The following DYNC1I2 variants were observed in gnomAD, a reference collection of about 807,000 sequenced individuals.
The protein encoded by DYNC1I2 is cytoplasmic dynein 1 intermediate chain 2.
In DYNC1I2, 53 loss-of-function variants were observed where a neutral mutation model predicts 88.6. That is an observed-to-expected ratio of 0.60 (90% CI 0.48 to 0.75). The LOEUF (loss-of-function observed/expected upper bound fraction) is 0.75. Among genes scored for constraint, DYNC1I2 ranks in the 30% least tolerant of loss-of-function variants. The pLI is 0.00. For synonymous variants in DYNC1I2, 198 were observed against 254.6 expected, an observed-to-expected ratio of 0.78 and a Z score of 2.12; for missense variants, 458 against 766.6, an observed-to-expected ratio of 0.60 and a Z score of 4.75.
rs555913263 is a variant in DYNC1I2 at position 171,693,900 on chromosome 2, C to T, written c.226+1006C>T. On this transcript the variant is annotated intron_variant, in intron 3 of 17. Coordinates refer to ENST00000397119, the MANE Select transcript of DYNC1I2 (RefSeq NM_001378.3). Reference sequence around the variant, plus strand: ...GAACACTTAATTTCTTGTAACTAAACCAAGTTGCTTGTTAGCCTTTGTTTG... The same window carrying T: ...GAACACTTAATTTCTTGTAACTAAATCAAGTTGCTTGTTAGCCTTTGTTTG... Among the ~76,000 whole-genome samples, 26 of 152,260 alleles carry T rather than the reference C, an allele frequency of 1.7e-4. 1 individual carries two copies. In the East Asian group the frequency reaches 4.8e-3, roughly 28 times the overall value.
intron 17 of DYNC1I2, 140 bp downstream of exon 17, chr2:171,746,067 C>T (rs571777281): frequency 4.3e-5 from 34 of 782,076 alleles, no homozygotes; most frequent in African/African-American, 3.6e-4. Flanking sequence ...TACTTTCTAC[C>T]ACAGAAGCAG....
At chr2:171,713,785 G>C (rs1166842549) in intron 6 of DYNC1I2, among the ~76,000 whole-genome samples, 1 of 152,144 alleles carries the variant, frequency 6.6e-6, no homozygotes, top group African/African-American at 2.4e-5. Context: ...TTTGAGGCAT[G>C]TAAGAAAAAT....
chr2:171,741,787 G>A (rs1156468134), intron 15 of DYNC1I2, among the ~76,000 whole-genome samples: 1 of 152,072 alleles, frequency 6.6e-6, no homozygotes, highest in African/African-American at 2.4e-5. Context: ...TCCTTTAAGA[G>A]TTTCATAGTT....
intron 3 of DYNC1I2, among the ~76,000 whole-genome samples, chr2:171,695,344 CTTCTT>C (rs1685688674): frequency 6.6e-6 from 1 of 152,162 alleles, no homozygotes; most frequent in African/African-American, 2.4e-5. Context: ...CATGATCCGC[CTTCTT>C]CGGCCTCCCA....
intron 3 of DYNC1I2, among the ~76,000 whole-genome samples, chr2:171,696,927 T>C (rs1276945467): frequency 1.3e-5 from 2 of 152,158 alleles, no homozygotes; most frequent in Non-Finnish European, 2.9e-5. Context: ...AGAAATTTAG[T>C]TTGTTTCCCT....
chr2:171,700,400 A>G (rs1214701812), intron 3 of DYNC1I2, among the ~76,000 whole-genome samples: 1 of 152,228 alleles, frequency 6.6e-6, no homozygotes, highest in East Asian at 1.9e-4. Flanking sequence ...TCCAGCCCAC[A>G]TTCACAGAGA....
At chr2:171,739,881 T>G (rs1422626240) in intron 15 of DYNC1I2, among the ~76,000 whole-genome samples, 1 of 151,902 alleles carries the variant, frequency 6.6e-6, no homozygotes, top group Non-Finnish European at 1.5e-5. Context: ...AATTTTTATA[T>G]TTTTTGTAGA....
intron 15 of DYNC1I2, among the ~76,000 whole-genome samples, chr2:171,742,623 G>C (rs1339823276): frequency 1.3e-5 from 2 of 152,170 alleles, no homozygotes; most frequent in African/African-American, 4.8e-5. Context: ...CTAGTGAAAT[G>C]AATTTTTGTG....
chr2:171,731,753 A>G (rs192120150), intron 15 of DYNC1I2, among the ~76,000 whole-genome samples: 6 of 152,296 alleles, frequency 3.9e-5, no homozygotes, highest in African/African-American at 7.2e-5. Context: ...CATCCTGTCC[A>G]TGGTGGGTTC....
Position 171,748,480 on chromosome 2 carries a change from C to G in DYNC1I2, c.*591C>G, listed in dbSNP as rs1689940337. On this transcript the variant is annotated 3_prime_UTR_variant, in exon 18 of 18. Transcript: ENST00000397119. ...CATCTTTTATAAAATATATTTTTTC[C>G]ATATCTTTCTTTAAGCTCCTGCTGT... is the stretch of plus-strand genomic sequence containing the variant. 1 of 151,826 alleles carries G rather than the reference C, an allele frequency of 6.6e-6. No homozygotes were observed. The highest frequency in any genetic ancestry group is 2.1e-4 in the South Asian group (1 of 4,816). 9.4% of individuals were successfully genotyped at this position (151,826 alleles called of 1,614,324 possible). A position where few individuals can be genotyped will look rare whatever the true frequency, so the allele number is the denominator to read the frequency against.
chr2:171,695,148 G>A (rs927155778), intron 3 of DYNC1I2, among the ~76,000 whole-genome samples: 4 of 151,800 alleles, frequency 2.6e-5, no homozygotes, highest in African/African-American at 7.3e-5. Context: ...CGCCCAGGCT[G>A]TAGTGCAATC....
intron 3 of DYNC1I2, among the ~76,000 whole-genome samples, chr2:171,697,079 T>C (rs930406974): frequency 6.6e-6 from 1 of 152,096 alleles, no homozygotes; most frequent in African/African-American, 2.4e-5. Context: ...TGGCTTGTTA[T>C]AGCCTCAACC....
intron 4 of DYNC1I2, 96 bp downstream of exon 4, chr2:171,706,660 T>G: frequency 8.5e-7 from 1 of 1,173,798 alleles, no homozygotes; most frequent in Non-Finnish European, 1.2e-6. Flanking sequence ...ATTGCCTGTT[T>G]GCATTTTTCA....
At chr2:171,730,910 C>G (rs1688560400) in intron 15 of DYNC1I2, among the ~76,000 whole-genome samples, 1 of 152,118 alleles carries the variant, frequency 6.6e-6, no homozygotes, top group Non-Finnish European at 1.5e-5. Flanking sequence ...CATTCTTGTC[C>G]TTTCTTGATG....
At chr2:171,733,780 T>G (rs1377332889) in intron 15 of DYNC1I2, among the ~76,000 whole-genome samples, 1 of 151,758 alleles carries the variant, frequency 6.6e-6, no homozygotes, top group African/African-American at 2.4e-5. Flanking sequence ...TTTTGTTTTT[T>G]GCTGTGTAGA....
rs1687212156 is a variant in DYNC1I2, at chr2:171,712,773, G to A, written c.342G>A (p.Leu114=). 2 of 1,613,246 alleles carry A rather than the reference G, an allele frequency of 1.2e-6. No individual in the cohort carries two copies. The highest frequency in any genetic ancestry group is 2.7e-5 in the African/African-American group (2 of 74,994). The part of the protein sequence containing the change: ...SGDGAVGSRT[L]HWDTDPSVLQ... ...TTGTCCTACAACCATTTAGGACGCT[G>A]CATTGGGATACAGATCCATCAGTTC... The change falls in exon 6 of 18, where the codon CTG becomes CTA. Residue 114 remains leucine, a synonymous_variant. Transcript: ENST00000397119.
At chr2:171,696,070 T>C (rs1171041078) in intron 3 of DYNC1I2, among the ~76,000 whole-genome samples, 2 of 152,254 alleles carry the variant, frequency 1.3e-5, no homozygotes, top group African/African-American at 4.8e-5. Flanking sequence ...TTCTGATGTA[T>C]AGGCATTCTT....
intron 3 of DYNC1I2, among the ~76,000 whole-genome samples, chr2:171,700,401 T>G (rs1345384881): frequency 6.6e-6 from 1 of 152,190 alleles, no homozygotes; most frequent in African/African-American, 2.4e-5. Context: ...CCAGCCCACA[T>G]TCACAGAGAA....
At chr2:171,717,687 G>A (rs1687609145) in intron 7 of DYNC1I2, among the ~76,000 whole-genome samples, 1 of 152,030 alleles carries the variant, frequency 6.6e-6, no homozygotes, top group African/African-American at 2.4e-5. Flanking sequence ...AATTTGGTGA[G>A]TATTATTATG....
Sources: gnomAD v4.1 joint callset for allele counts (sites outside exome capture counted in the v4.1 genomes callset) on GRCh38, gnomAD v4.1.1 for gene constraint, MANE v1.5 for transcripts, NCBI Gene and HGNC (gene_info 2026-07-23, HGNC 2026-07-21) for gene names.